The following CHCHD6 variants were observed in gnomAD, a reference collection of about 807,000 sequenced individuals.
CHCHD6 encodes MICOS complex subunit MIC25.
Under a neutral mutation model 32.3 loss-of-function variants are expected in CHCHD6, and 28 were observed. The ratio of observed to expected loss-of-function variants is 0.87; its 90% CI spans 0.64 to 1.19. The LOEUF (loss-of-function observed/expected upper bound fraction) is 1.19. Ranked by LOEUF, CHCHD6 falls within the 50% of genes most tolerant of loss-of-function variation. The probability of loss-of-function intolerance (pLI) is 0.00; values close to 1 mark genes in which losing one functional copy is unlikely to be tolerated. For synonymous variants in CHCHD6, 122 were observed against 117.5 expected, an observed-to-expected ratio of 1.04 and a Z score of -0.25; for missense variants, 333 against 307.0, an observed-to-expected ratio of 1.08 and a Z score of -0.63.
intron 1 of CHCHD6, among the ~76,000 whole-genome samples, chr3:126,707,011 A>G (rs1365379063): frequency 2.0e-5 from 3 of 152,154 alleles, no homozygotes; most frequent in Admixed American, 2.0e-4. Flanking sequence ...TCATGCCTGT[A>G]ATTTCAGCAC....
intron 4 of CHCHD6, among the ~76,000 whole-genome samples, chr3:126,832,036 A>G (rs573555411): frequency 2.9e-4 from 44 of 152,118 alleles, no homozygotes; most frequent in African/African-American, 9.6e-4. Context: ...AAAGAAGAGG[A>G]AAAAAAAGGA....
At chr3:126,753,565 A>G (rs1377730358) in intron 4 of CHCHD6, among the ~76,000 whole-genome samples, 3 of 152,190 alleles carry the variant, frequency 2.0e-5, no homozygotes, top group African/African-American at 7.2e-5. Context: ...GTTTGTCTCA[A>G]CCTTATTGGG....
rs188731067 is a variant in CHCHD6, at chr3:126,845,498, C to T, written c.412-7149C>T. 8.3e-4 allele frequency among the ~76,000 whole-genome samples: 126 copies of T among 152,228 alleles called. 1 individual carries two copies. Among genetic ancestry groups the T allele is most frequent in the African/African-American group, 3.0e-3 (126 of 41,536 alleles). On this transcript the variant is annotated intron_variant, in intron 4 of 7. Transcript: ENST00000290913. ...GATTTGTTGTCTCAGACTTAGTTGTCGTCAATCAACTCCAGAGAATTCTTG... is the reference window on the plus strand; with the variant it reads ...GATTTGTTGTCTCAGACTTAGTTGTTGTCAATCAACTCCAGAGAATTCTTG...
At chr3:126,704,711 G>A (rs945659147) in intron 1 of CHCHD6, among the ~76,000 whole-genome samples, 2 of 152,108 alleles carry the variant, frequency 1.3e-5, no homozygotes, top group South Asian at 2.1e-4. Flanking sequence ...TTGAATTTGC[G>A]CCCGGCCTCC....
intron 4 of CHCHD6, among the ~76,000 whole-genome samples, chr3:126,805,844 C>G (rs1217280012): frequency 6.6e-6 from 1 of 152,072 alleles, no homozygotes; most frequent in African/African-American, 2.4e-5. Flanking sequence ...GTACTGGTAC[C>G]AAAACAGAGA....
At chr3:126,908,538 C>T (rs2078038022) in intron 5 of CHCHD6, among the ~76,000 whole-genome samples, 1 of 152,210 alleles carries the variant, frequency 6.6e-6, no homozygotes, top group Non-Finnish European at 1.5e-5. Context: ...TTTCCATTTA[C>T]TCAACTTTAC....
chr3:126,773,826 G>A (rs976798520), intron 4 of CHCHD6, among the ~76,000 whole-genome samples: 1 of 151,908 alleles, frequency 6.6e-6, no homozygotes, highest in African/African-American at 2.4e-5. Context: ...GGCTGGTCTT[G>A]AACACCTCAG....
intron 6 of CHCHD6, among the ~76,000 whole-genome samples, chr3:126,941,396 G>A (rs2078556856): frequency 6.6e-6 from 1 of 152,112 alleles, no homozygotes; most frequent in Admixed American, 6.5e-5. Flanking sequence ...AGACATATTA[G>A]GAAGCTATAG....
At chr3:126,955,195 C>T (rs777171257) in intron 6 of CHCHD6, among the ~76,000 whole-genome samples, 2 of 152,252 alleles carry the variant, frequency 1.3e-5, no homozygotes, top group South Asian at 2.1e-4. Flanking sequence ...GATGTGGAGC[C>T]GTGCTTAAGC....
At chr3:126,859,773 C>T (rs1325949626) in intron 5 of CHCHD6, among the ~76,000 whole-genome samples, 1 of 152,146 alleles carries the variant, frequency 6.6e-6, no homozygotes, top group Non-Finnish European at 1.5e-5. Context: ...CGTGCTGCCT[C>T]CCACCGCCTC....
chr3:126,909,544 T>G (rs1381045821), intron 5 of CHCHD6, among the ~76,000 whole-genome samples: 6 of 152,260 alleles, frequency 3.9e-5, no homozygotes, highest in Admixed American at 3.9e-4. Flanking sequence ...ACTGTGACTT[T>G]GGAAACCCAT....
At position 126,733,101 on chromosome 3, in the gene CHCHD6, T is replaced by C; in HGVS notation, c.290T>C (p.Ile97Thr). The C allele has an allele frequency of 6.2e-7, 1 of 1,614,206 alleles. No individual in the cohort carries two copies. Among genetic ancestry groups the C allele is most frequent in the African/African-American group, 1.3e-5 (1 of 75,052 alleles). ...VKRYEQEHAA[I>T]QDKLFQVAKR... ...AGGTATGAACAGGAGCATGCTGCTA[T>C]CCAGGATAAGCTCTTCCAGGTGGCA... Residue 97 changes from isoleucine to threonine, a missense_variant, in exon 4 of 8, where the codon ATC becomes ACC. Transcript: ENST00000290913.
intron 5 of CHCHD6, among the ~76,000 whole-genome samples, chr3:126,903,740 C>T (rs564408386): frequency 6.6e-6 from 1 of 152,300 alleles, no homozygotes; most frequent in South Asian, 2.1e-4. Context: ...GTGATTACGG[C>T]AGTAGATTTC....
chr3:126,727,192 G>C lies in CHCHD6; in HGVS notation c.196+6G>C. On this transcript the variant is annotated splice_donor_region_variant and intron_variant, in intron 2 of 7. Transcript: ENST00000290913. ...CTTGAGAGCCCCTCACAAAGGTATG[G>C]GGATTGTGACAGTTCTGTGGAGTGT... 1 of 1,584,192 alleles carries C rather than the reference G, an allele frequency of 6.3e-7. No individual in the cohort carries two copies. Among genetic ancestry groups the C allele is most frequent in the Non-Finnish European group, 8.7e-7 (1 of 1,152,748 alleles).
At chr3:126,782,126 C>T (rs977531079) in intron 4 of CHCHD6, among the ~76,000 whole-genome samples, 4 of 152,190 alleles carry the variant, frequency 2.6e-5, no homozygotes, top group Non-Finnish European at 5.9e-5. Context: ...CTGCTCCCAG[C>T]AAGGCAGTGA....
chr3:126,765,215 C>T (rs1258553277), intron 4 of CHCHD6, among the ~76,000 whole-genome samples: 1 of 152,166 alleles, frequency 6.6e-6, no homozygotes, highest in African/African-American at 2.4e-5. Context: ...TTCTCATCTC[C>T]CCCATAAGCA....
At chr3:126,951,673 C>T (rs138779388) in intron 6 of CHCHD6, among the ~76,000 whole-genome samples, 110 of 152,340 alleles carry the variant, frequency 7.2e-4, no homozygotes, top group African/African-American at 2.6e-3. Flanking sequence ...AGGGGCCAGT[C>T]GGCCACCAGA....
rs909188740 is a variant in CHCHD6, at chr3:126,764,513, C to A, written c.411+31291C>A. Among the ~76,000 whole-genome samples, 12 of 152,306 alleles carry A rather than the reference C, an allele frequency of 7.9e-5. 1 individual carries two copies. Among genetic ancestry groups the A allele is most frequent in the African/African-American group, 2.9e-4 (12 of 41,574 alleles). The stretch of plus-strand genomic sequence containing the variant: ...AGCCAAAGGGAGGTGCGGGACAAGG[C>A]AGTCTTCACTTCGAAGGTCCCTTTC... On this transcript the variant is annotated intron_variant, in intron 4 of 7. Coordinates refer to ENST00000290913, the MANE Select transcript of CHCHD6 (RefSeq NM_032343.3).
At position 126,724,201 on chromosome 3, in the gene CHCHD6, TG is replaced by T. The variant is rs1463071968; in HGVS notation, c.88-2876del. Among the ~76,000 whole-genome samples, 6 of 151,832 alleles carry T rather than the reference TG, an allele frequency of 4.0e-5. No individual in the cohort carries two copies. In the East Asian group the frequency reaches 1.2e-3, roughly 29 times the overall value. ...ACCATCAGGATAGGCAGGCAGGAGGTGTAGTACTTCTCTGAGAAGCACATGT... is the reference window on the plus strand; with the variant it reads ...ACCATCAGGATAGGCAGGCAGGAGGTTAGTACTTCTCTGAGAAGCACATGT... On this transcript the variant is annotated intron_variant, in intron 1 of 7. Transcript: ENST00000290913.
Sources: allele counts gnomAD v4.1 joint callset (sites outside exome capture counted in the v4.1 genomes callset), GRCh38; gene constraint gnomAD v4.1.1; transcripts MANE v1.5; gene names NCBI Gene and HGNC (gene_info 2026-07-23, HGNC 2026-07-21).